Variants in EFHC2 observed in about 807,000 individuals in gnomAD.
EFHC2 encodes the protein EF-hand domain containing 2.
A neutral mutation model predicts 52.7 loss-of-function variants in EFHC2; 18 were observed. The ratio of observed to expected loss-of-function variants is 0.34; its 90% CI spans 0.24 to 0.51. The LOEUF (loss-of-function observed/expected upper bound fraction) is 0.51. Among genes scored for constraint, EFHC2 ranks in the 20% least tolerant of loss-of-function variants. The pLI is 0.97. For synonymous variants in EFHC2, 203 were observed against 204.1 expected, an observed-to-expected ratio of 0.99 and a Z score of 0.04; for missense variants, 513 against 562.5, an observed-to-expected ratio of 0.91 and a Z score of 0.89.
chrX:44,189,473 A>G (rs944503461), intron 11 of EFHC2, among the ~76,000 whole-genome samples: 1 of 112,415 alleles, frequency 8.9e-6, no homozygotes, highest in Middle Eastern at 4.2e-3. Flanking sequence ...GAGAGCTGGC[A>G]GGCGGGGCCC....
chrX:44,292,114 A>G (rs1219589541), intron 2 of EFHC2, among the ~76,000 whole-genome samples: 1 of 111,356 alleles, frequency 9.0e-6, no homozygotes, highest in Non-Finnish European at 1.9e-5. Flanking sequence ...AACACCTACC[A>G]TATAAAAAAT....
At chrX:44,214,346 A>G (rs2037126371) in intron 11 of EFHC2, among the ~76,000 whole-genome samples, 1 of 112,441 alleles carries the variant, frequency 8.9e-6, no homozygotes, top group African/African-American at 3.2e-5. Context: ...AATGAAAGTT[A>G]AAGAAAATAT....
intron 8 of EFHC2, among the ~76,000 whole-genome samples, chrX:44,237,237 G>A (rs760532149): frequency 5.4e-5 from 6 of 111,506 alleles, no homozygotes; most frequent in African/African-American, 1.6e-4. Flanking sequence ...AAGCACCCCA[G>A]AAGATTCTGA....
rs148412731 is a variant in EFHC2, at chrX:44,218,629, A to G, written c.1751+11020T>C. Among the ~76,000 whole-genome samples, 414 of 112,392 alleles carry G rather than the reference A, an allele frequency of 3.7e-3. 2 individuals carry two copies. The highest frequency in any genetic ancestry group is 0.025 in the Admixed American group (260 of 10,555). The stretch of plus-strand genomic sequence containing the variant: ...AAGCGAAAGCTAAAACCATAAAGCT[A>G]TTAGAGGGAAACATAGGAGACTATC... On this transcript the variant is annotated intron_variant, in intron 11 of 14. Transcript: ENST00000420999.
At position 44,163,946 on chromosome X, in the gene EFHC2, C is replaced by G; in HGVS notation, c.2124G>C (p.Leu708Phe). The stretch of plus-strand genomic sequence containing the variant: ...CCTCTTTAAGGTATGATGCTGGTTG[C>G]AATTCAGGCACTGGATTCTTTCTCC... The part of the protein sequence containing the change: ...LNWRKNPVPE[L>F]QPASYLKERC... The change falls in exon 14 of 15, where the codon TTG becomes TTC. Residue 708 changes from leucine (L) to phenylalanine (F), a missense_variant. Leu to Phe is a conservative substitution (Grantham distance 22). Coordinates refer to ENST00000420999, the MANE Select transcript of EFHC2 (RefSeq NM_025184.4). 8.6e-7 allele frequency: 1 copy of G among 1,166,850 alleles called. No homozygotes were observed. Among genetic ancestry groups the G allele is most frequent in the Non-Finnish European group, 1.1e-6 (1 of 871,154 alleles).
At chrX:44,262,009 C>T (rs2037542685) in intron 3 of EFHC2, among the ~76,000 whole-genome samples, 1 of 111,059 alleles carries the variant, frequency 9.0e-6, no homozygotes, top group African/African-American at 3.3e-5. Flanking sequence ...CTCTAGATCT[C>T]ATCCCATCTT....
chrX:44,244,865 T>C (rs1457104532), intron 7 of EFHC2, among the ~76,000 whole-genome samples: 2 of 112,204 alleles, frequency 1.8e-5, no homozygotes, highest in Non-Finnish European at 3.8e-5. Context: ...GGGCCTTGGA[T>C]TGGGACCCCT....
chrX:44,310,283 G>A (rs1484760442), intron 2 of EFHC2: 3 of 860,836 alleles, frequency 3.5e-6, no homozygotes, highest in Admixed American at 3.3e-5. Context: ...CCTCCACGCC[G>A]GGGGCAGCTG....
intron 11 of EFHC2, 40 bp from the exon 12 acceptor site, chrX:44,178,604 A>T: frequency 9.8e-7 from 1 of 1,024,133 alleles, no homozygotes; most frequent in Non-Finnish European, 1.3e-6. Context: ...ACTGATATCT[A>T]AGAATACAGT....
Position 44,159,224 on chromosome X carries a change from G to A in EFHC2, c.2148+4698C>T, listed in dbSNP as rs775525394. On this transcript the variant is annotated intron_variant, in intron 14 of 14. Coordinates refer to ENST00000420999, the MANE Select transcript of EFHC2 (RefSeq NM_025184.4). ...AAGGACACTCCCAAAAAAACATCCTGCACATTAGACTCCATCTGCTTCCTG... is the reference window on the plus strand; with the variant it reads ...AAGGACACTCCCAAAAAAACATCCTACACATTAGACTCCATCTGCTTCCTG... Among the ~76,000 whole-genome samples, 5 of 111,610 alleles carry A rather than the reference G, an allele frequency of 4.5e-5. No homozygotes were observed. The South Asian group carries it at 1.9e-3, about 43-fold the overall frequency.
chrX:44,176,465 C>T lies in EFHC2; in HGVS notation c.1950-81G>A, dbSNP rs772009254. 13 of 679,287 alleles carry T rather than the reference C, an allele frequency of 1.9e-5. No individual in the cohort carries two copies. The Admixed American group carries it at 3.4e-4, about 18-fold the overall frequency. The allele number at this position is 679,287 out of a possible 1,213,427, so 56.0% of individuals were successfully genotyped here. On this transcript the variant is annotated intron_variant, in intron 12 of 14. Transcript: ENST00000420999. ...ATTACATACTATAGGAAAGAAAATA[C>T]ATTTGTGATGTTTCCTGAGAATGTA...
chrX:44,232,604 T>G lies in EFHC2; in HGVS notation c.1497A>C (p.Leu499=), dbSNP rs766269043. The part of the protein sequence containing the change: ...KPGQEVFKSE[L]SEYIKAEELY... ...GCTCCTCGGCCTTGATATATTCAGA[T>G]AGTTCACTTTTAAAGACTTCTTGTC... Residue 499 remains leucine, a synonymous_variant, in exon 10 of 15, where the codon CTA becomes CTC. Coordinates refer to ENST00000420999, the MANE Select transcript of EFHC2 (RefSeq NM_025184.4). 4.2e-6 allele frequency: 5 copies of G among 1,197,641 alleles called. No homozygotes were observed. Among genetic ancestry groups the G allele is most frequent in the Non-Finnish European group, 5.6e-6 (5 of 887,831 alleles).
intron 2 of EFHC2, 88 bp downstream of exon 2, chrX:44,312,480 C>T (rs1340410086): frequency 1.4e-6 from 1 of 718,133 alleles, no homozygotes; most frequent in African/African-American, 2.2e-5. Context: ...TTAACATTTA[C>T]ACTGAAGACT....
intron 11 of EFHC2, among the ~76,000 whole-genome samples, chrX:44,200,135 G>A (rs933234794): frequency 3.6e-5 from 4 of 111,748 alleles, no homozygotes; most frequent in Non-Finnish European, 5.6e-5. Context: ...AGAAAAAGCT[G>A]GGTGAGGGAA....
At chrX:44,260,789 A>G (rs1315867163) in intron 4 of EFHC2, among the ~76,000 whole-genome samples, 1 of 112,248 alleles carries the variant, frequency 8.9e-6, no homozygotes, top group Non-Finnish European at 1.9e-5. Context: ...CACAAAGTCA[A>G]TTGTGGGTGC....
chrX:44,249,140 T>C (rs2037422799), intron 5 of EFHC2, among the ~76,000 whole-genome samples: 1 of 111,735 alleles, frequency 8.9e-6, no homozygotes, highest in Admixed American at 9.5e-5. Flanking sequence ...TTCTGACACC[T>C]CCTGGTTGCC....
intron 13 of EFHC2, among the ~76,000 whole-genome samples, chrX:44,169,559 A>T (rs1274429095): frequency 1.8e-5 from 2 of 111,319 alleles, no homozygotes; most frequent in Non-Finnish European, 3.8e-5. Flanking sequence ...TACAGGTGTG[A>T]GCCACCACAC....
At chrX:44,231,647 TAC>T (rs970396171) in intron 10 of EFHC2, among the ~76,000 whole-genome samples, 13 of 111,595 alleles carry the variant, frequency 1.2e-4, no homozygotes, top group African/African-American at 4.2e-4. Flanking sequence ...TGATGTGATG[TAC>T]ACAGAGACAT....
intron 11 of EFHC2, among the ~76,000 whole-genome samples, chrX:44,180,078 C>A (rs2036822045): frequency 8.9e-6 from 1 of 111,795 alleles, no homozygotes; most frequent in Non-Finnish European, 1.9e-5. Flanking sequence ...CCCGTGTAGT[C>A]TGGCTCTAAA....
Sources: gnomAD v4.1 joint callset for allele counts (sites outside exome capture counted in the v4.1 genomes callset) on GRCh38, gnomAD v4.1.1 for gene constraint, MANE v1.5 for transcripts, NCBI Gene and HGNC (gene_info 2026-07-23, HGNC 2026-07-21) for gene names.